KCNMA1: variants seen among roughly 807,000 people sequenced by gnomAD.
The protein encoded by KCNMA1 is Calcium-activated potassium channel subunit alpha-1.
KCNMA1 carries 29 observed loss-of-function variants against 140.0 expected under a neutral mutation model. The observed-to-expected ratio is 0.21, with a 90% CI of 0.15 to 0.28. The LOEUF (loss-of-function observed/expected upper bound fraction) is 0.28. Ranked by LOEUF, KCNMA1 falls within the 10% of genes least tolerant of loss-of-function variation. The pLI is 1.00. For synonymous variants in KCNMA1, 612 were observed against 611.9 expected (o/e 1.00, Z 0.00); for missense variants, 880 against 1,602.2 (o/e 0.55, Z 7.70).
chr10:76,951,851 G>A (rs2066375063), intron 21 of KCNMA1, among the ~76,000 whole-genome samples: 1 of 151,744 alleles, frequency 6.6e-6, no homozygotes, highest in African/African-American at 2.4e-5. Context: ...GCCCCACCCT[G>A]CTAGAACACA....
At chr10:77,636,324 T>C (rs2093721429) in intron 1 of KCNMA1, 1 of 1,520,306 alleles carries the variant, frequency 6.6e-7, no homozygotes, top group Non-Finnish European at 8.8e-7. Context: ...GCAGTGAGCC[T>C]AGCAACCATA....
intron 19 of KCNMA1, among the ~76,000 whole-genome samples, chr10:76,980,811 G>A (rs140112367): frequency 7.2e-5 from 11 of 152,202 alleles, no homozygotes; most frequent in Non-Finnish European, 1.3e-4. Context: ...TTAAGGCATG[G>A]GATATCCCTC....
At chr10:77,200,490 T>G (rs2042108451) in intron 3 of KCNMA1, among the ~76,000 whole-genome samples, 1 of 152,194 alleles carries the variant, frequency 6.6e-6, no homozygotes, top group South Asian at 2.1e-4. Context: ...GGCCTGCTGC[T>G]GTCAGAGTTC....
chr10:77,606,320 AC>A (rs998538144), intron 1 of KCNMA1, among the ~76,000 whole-genome samples: 3 of 152,058 alleles, frequency 2.0e-5, no homozygotes, highest in African/African-American at 7.2e-5. Context: ...CAGAGCAGCA[AC>A]CCCTCATGGC....
chr10:77,425,577 C>A (rs1455410151), intron 1 of KCNMA1, among the ~76,000 whole-genome samples: 1 of 152,144 alleles, frequency 6.6e-6, no homozygotes, highest in Non-Finnish European at 1.5e-5. Context: ...CCCACATCGA[C>A]CCCAGAGGCA....
chr10:77,332,130 G>A (rs967126150), intron 2 of KCNMA1, among the ~76,000 whole-genome samples: 5 of 152,134 alleles, frequency 3.3e-5, no homozygotes, highest in African/African-American at 9.7e-5. Context: ...TTTACAGTAC[G>A]ATAGGCTGAG....
At chr10:76,941,003 AAGG>A (rs1275696051) in intron 23 of KCNMA1, among the ~76,000 whole-genome samples, 15 of 49,908 alleles carry the variant, frequency 3.0e-4, no homozygotes, top group African/African-American at 1.2e-3. Context: ...GAAAGAAAGG[AAGG>A]AAGGAAGGAA....
At chr10:77,556,434 G>C (rs2064429145) in intron 1 of KCNMA1, among the ~76,000 whole-genome samples, 1 of 143,380 alleles carries the variant, frequency 7.0e-6, no homozygotes, top group Non-Finnish European at 1.5e-5. Context: ...GAGCCTGGTA[G>C]GCAGAGGTTG....
chr10:77,120,363 G>C (rs2097568347), intron 6 of KCNMA1, among the ~76,000 whole-genome samples: 1 of 152,170 alleles, frequency 6.6e-6, no homozygotes, highest in Admixed American at 6.5e-5. Context: ...GCAGTTAACA[G>C]AAGTATTCAT....
chr10:76,974,505 G>T, intron 19 of KCNMA1: 1 of 1,548,602 alleles, frequency 6.5e-7, no homozygotes, highest in Non-Finnish European at 8.7e-7. Context: ...GTCACAAGCC[G>T]AGAATTGGGA....
At chr10:77,039,046 G>A (rs1351747413) in intron 15 of KCNMA1, 1 of 196,836 alleles carries the variant, frequency 5.1e-6, no homozygotes, top group Non-Finnish European at 1.1e-5. Flanking sequence ...CTGTATATTT[G>A]GTTCCACATT....
At chr10:77,228,665 C>T (rs1351042645) in intron 3 of KCNMA1, among the ~76,000 whole-genome samples, 1 of 152,160 alleles carries the variant, frequency 6.6e-6, no homozygotes, top group Non-Finnish European at 1.5e-5. Flanking sequence ...AATTATGAGC[C>T]TGCCCAAGTG....
At chr10:77,407,991 G>A (rs1279720456) in intron 1 of KCNMA1, among the ~76,000 whole-genome samples, 1 of 152,154 alleles carries the variant, frequency 6.6e-6, no homozygotes, top group East Asian at 1.9e-4. Flanking sequence ...ATAAGGCAAG[G>A]TGCTGTGACT....
At chr10:77,170,554 AGGTCAGAGG>A (rs1230709135) in intron 5 of KCNMA1, among the ~76,000 whole-genome samples, 18 of 121,694 alleles carry the variant, frequency 1.5e-4, no homozygotes, top group Non-Finnish European at 3.5e-5. Flanking sequence ...CCCTGGGAGA[AGGTCAGAGG>A]TGAGGCTCCA....
At chr10:76,918,377 C>A (rs2053839428) in intron 23 of KCNMA1, among the ~76,000 whole-genome samples, 1 of 152,222 alleles carries the variant, frequency 6.6e-6, no homozygotes, top group Admixed American at 6.5e-5. Context: ...CCAAAGCTAT[C>A]ACCAGATGGG....
chr10:77,345,680 C>T (rs970576572), intron 2 of KCNMA1, among the ~76,000 whole-genome samples: 5 of 152,302 alleles, frequency 3.3e-5, no homozygotes, highest in Admixed American at 1.3e-4. Context: ...CATCAGCGTC[C>T]GACACAGGTC....
intron 1 of KCNMA1, among the ~76,000 whole-genome samples, chr10:77,535,539 C>T (rs145422617): frequency 5.1e-4 from 78 of 152,314 alleles, no homozygotes; most frequent in African/African-American, 1.8e-3. Context: ...AATTCCACTG[C>T]TGGGTATATA....
chr10:77,079,599 G>C (rs201748144), intron 12 of KCNMA1, 49 bp from the exon 13 acceptor site: 2 of 1,289,616 alleles, frequency 1.6e-6, no homozygotes, highest in Non-Finnish European at 2.3e-6. Flanking sequence ...TATGCATGGT[G>C]TCTGACAAAA....
At chr10:77,429,062 TATATG>T (rs2097091253) in intron 1 of KCNMA1, among the ~76,000 whole-genome samples, 2 of 152,150 alleles carry the variant, frequency 1.3e-5, no homozygotes, top group Non-Finnish European at 2.9e-5. Context: ...GATATATAGA[TATATG>T]GGTCTGGTGC....
Sources: gnomAD v4.1 joint callset for allele counts (sites outside exome capture counted in the v4.1 genomes callset) on GRCh38, gnomAD v4.1.1 for gene constraint, MANE v1.5 for transcripts, NCBI Gene and HGNC (gene_info 2026-07-23, HGNC 2026-07-21) for gene names.